The following ERC1 variants were observed in gnomAD, a reference collection of about 807,000 sequenced individuals.
ERC1 encodes the protein ELKS/RAB6-interacting/CAST family member 1.
ERC1 carries 56 observed loss-of-function variants against 132.0 expected under a neutral mutation model. The observed-to-expected ratio is 0.42, with a 90% confidence interval of 0.34 to 0.53. The LOEUF is 0.53. ERC1 is among the 20% of genes least tolerant of loss of function. ERC1 has a pLI of 0.03. For synonymous variants in ERC1, 478 were observed against 476.1 expected, an observed-to-expected ratio of 1.00 and a Z score of -0.05; for missense variants, 1,202 against 1,349.9, an observed-to-expected ratio of 0.89 and a Z score of 1.72.
chr12:1,177,297 G>C (rs1953845951), intron 8 of ERC1, among the ~76,000 whole-genome samples: 1 of 152,190 alleles, frequency 6.6e-6, no homozygotes, highest in African/African-American at 2.4e-5. Flanking sequence ...TGGTTCCAGA[G>C]GCCTAGCTTT....
chr12:1,019,124 T>TA (rs1027573713), intron 1 of ERC1, among the ~76,000 whole-genome samples: 3 of 151,738 alleles, frequency 2.0e-5, no homozygotes, highest in Admixed American at 1.3e-4. Flanking sequence ...GAATTCAGAT[T>TA]AAAAAAAAAT....
At chr12:1,140,615 A>G (rs146571749) in intron 7 of ERC1, among the ~76,000 whole-genome samples, 25 of 152,168 alleles carry the variant, frequency 1.6e-4, no homozygotes, top group South Asian at 1.2e-3. Context: ...CATTATTCAT[A>G]TTTTCTTTGT....
chr12:1,368,116 G>A (rs1194125902), intron 15 of ERC1, among the ~76,000 whole-genome samples: 1 of 151,966 alleles, frequency 6.6e-6, no homozygotes, highest in African/African-American at 2.4e-5. Context: ...GGACTCATGG[G>A]AATGAAGTCA....
intron 15 of ERC1, among the ~76,000 whole-genome samples, chr12:1,304,826 G>GTC: frequency 8.7e-6 from 1 of 114,960 alleles, no homozygotes; most frequent in Non-Finnish European, 1.6e-5. Flanking sequence ...GTCTCGCTCT[G>GTC]CTGCCCGGGC....
intron 8 of ERC1, among the ~76,000 whole-genome samples, chr12:1,166,894 A>G (rs1163363830): frequency 6.6e-6 from 1 of 152,226 alleles, no homozygotes; most frequent in East Asian, 1.9e-4. Context: ...ATAAATGGAC[A>G]TATGCAAAGG....
In ERC1 at chr12:1,408,248, G is replaced by T. The variant is rs1392518579; in HGVS notation, c.3024+1G>T. 1 of 1,607,674 alleles carries T rather than the reference G, an allele frequency of 6.2e-7. No homozygotes were observed. Among genetic ancestry groups the T allele is most frequent in the South Asian group, 1.1e-5 (1 of 90,622 alleles). ...AAATCACAAGCCCTCCCCAGACCAG[G>T]TAAGATGGCTCTGGAATGTTTTATT... is the stretch of plus-strand genomic sequence containing the variant. On this transcript the variant is annotated splice_donor_variant, in intron 17 of 18. Coordinates refer to ENST00000360905, the MANE Select transcript of ERC1 (RefSeq NM_178040.4). LOFTEE classifies it high-confidence loss of function.
intron 2 of ERC1, among the ~76,000 whole-genome samples, chr12:1,066,402 T>TA (rs1259817434): frequency 6.6e-6 from 1 of 152,242 alleles, no homozygotes; most frequent in East Asian, 1.9e-4. Context: ...ACACCTTGTT[T>TA]ATCAAATCAA....
intron 17 of ERC1, among the ~76,000 whole-genome samples, chr12:1,413,333 C>G (rs1008203136): frequency 6.6e-6 from 1 of 152,158 alleles, no homozygotes; most frequent in African/African-American, 2.4e-5. Context: ...GTGGCTCAAG[C>G]CTGTAATCCC....
At chr12:1,448,858 C>A (rs78952740) in intron 18 of ERC1, among the ~76,000 whole-genome samples, 2 of 152,168 alleles carry the variant, frequency 1.3e-5, no homozygotes, top group African/African-American at 4.8e-5. Context: ...GTAGATCCAC[C>A]GCTGGTTTGC....
At chr12:1,292,604 C>T (rs990694359) in intron 15 of ERC1, among the ~76,000 whole-genome samples, 2 of 152,136 alleles carry the variant, frequency 1.3e-5, no homozygotes, top group Non-Finnish European at 2.9e-5. Flanking sequence ...AGGTCTCCCA[C>T]AAACAGAGAA....
intron 12 of ERC1, among the ~76,000 whole-genome samples, chr12:1,209,609 C>G (rs981708351): frequency 6.6e-6 from 1 of 152,086 alleles, no homozygotes; most frequent in African/African-American, 2.4e-5. Flanking sequence ...TTTATAAGAT[C>G]CTTTAGAACA....
At chr12:1,389,912 A>G (rs745473199) in intron 16 of ERC1, among the ~76,000 whole-genome samples, 38 of 152,214 alleles carry the variant, frequency 2.5e-4, no homozygotes, top group Non-Finnish European at 4.7e-4. Context: ...CTTTAAAGAA[A>G]CAACAACAAA....
At chr12:1,192,878 C>G (rs1342640940) in intron 12 of ERC1, among the ~76,000 whole-genome samples, 2 of 152,164 alleles carry the variant, frequency 1.3e-5, no homozygotes, top group Non-Finnish European at 2.9e-5. Context: ...TGTGTTCGTT[C>G]TGGTAAACTT....
In ERC1 at chr12:1,110,261, A is replaced by G; in HGVS notation, c.1231A>G (p.Asn411Asp). 1 of 1,613,700 alleles carries G rather than the reference A, an allele frequency of 6.2e-7. No individual in the cohort carries two copies. The highest frequency in any genetic ancestry group is 8.5e-7 in the Non-Finnish European group (1 of 1,179,768). Residue 411 changes from asparagine to aspartate, a missense_variant, in exon 5 of 19, where the codon AAT becomes GAT. By Grantham distance (23) the Asn-to-Asp change is conservative. Transcript: ENST00000360905. The stretch of plus-strand genomic sequence containing the variant: ...AGAGGAAATTCAGATGCTGAAATCG[A>G]ATGGTGCTTTGAGTACTGAGGAAAG... ...LEEEIQMLKS[N>D]GALSTEEREE...
intron 17 of ERC1, among the ~76,000 whole-genome samples, chr12:1,426,017 G>A (rs763102076): frequency 6.6e-6 from 1 of 151,902 alleles, no homozygotes; most frequent in Non-Finnish European, 1.5e-5. Context: ...ATTAATAGCT[G>A]TTGTTTACTA....
At chr12:1,235,175 T>C (rs531774199) in intron 12 of ERC1, among the ~76,000 whole-genome samples, 1 of 152,218 alleles carries the variant, frequency 6.6e-6, no homozygotes, top group Non-Finnish European at 1.5e-5. Flanking sequence ...AAGACCAGCA[T>C]AGGCAACATA....
Position 1,083,444 on chromosome 12 carries a change from A to G in ERC1, c.950A>G (p.Gln317Arg). The G allele has an allele frequency of 6.2e-7, 1 of 1,614,232 alleles. No individual in the cohort carries two copies. Among genetic ancestry groups the G allele is most frequent in the Non-Finnish European group, 8.5e-7 (1 of 1,180,038 alleles). Residue 317 changes from glutamine to arginine, a missense_variant, in exon 3 of 19, where the codon CAG becomes CGG. By Grantham distance (43) the Gln-to-Arg change is conservative. Coordinates refer to ENST00000360905, the MANE Select transcript of ERC1 (RefSeq NM_178040.4). ...ESIKKLLEML[Q>R]SKGLSAKATE... ...ATTAAGAAGCTTCTGGAAATGTTGCAGAGCAAAGGACTTTCTGCCAAGGCT... is the reference window on the plus strand; with the variant it reads ...ATTAAGAAGCTTCTGGAAATGTTGCGGAGCAAAGGACTTTCTGCCAAGGCT...
chr12:1,401,620 G>A (rs930838477), intron 16 of ERC1, among the ~76,000 whole-genome samples: 2 of 151,964 alleles, frequency 1.3e-5, no homozygotes, highest in Non-Finnish European at 1.5e-5. Flanking sequence ...AAATTGACAT[G>A]CAAATTGTAC....
intron 17 of ERC1, among the ~76,000 whole-genome samples, chr12:1,411,930 C>T (rs2091876231): frequency 6.6e-6 from 1 of 152,192 alleles, no homozygotes; most frequent in Non-Finnish European, 1.5e-5. Context: ...AAACTTGTTC[C>T]TGAAATCTTC....
Sources: allele counts gnomAD v4.1 joint callset (sites outside exome capture counted in the v4.1 genomes callset), GRCh38; gene constraint gnomAD v4.1.1; transcripts MANE v1.5; gene names NCBI Gene and HGNC (gene_info 2026-07-23, HGNC 2026-07-21).